The following CYP1B1 variants were observed in gnomAD, a reference collection of about 807,000 sequenced individuals.
CYP1B1 encodes the protein cytochrome P450 1B1.
A neutral mutation model predicts 29.9 loss-of-function variants in CYP1B1; 22 were observed. The observed-to-expected ratio is 0.74, with a 90% CI of 0.53 to 1.05. The LOEUF (loss-of-function observed/expected upper bound fraction) is 1.05, where lower values mean the gene tolerates loss of function less well. Among genes scored for constraint, CYP1B1 ranks in the 50% least tolerant of loss-of-function variants. The pLI is 0.00. For synonymous variants in CYP1B1, 375 were observed against 320.0 expected (o/e 1.17, Z -1.83); for missense variants, 883 against 746.9 (o/e 1.18, Z -2.12).
rs1181867743 is a variant in CYP1B1, at chr2:38,074,962, C to A, written c.427G>T (p.Val143Leu). ...AFGHYSEHWK[V>L]QRRAAHSMMR... ...ATGCTGTGGGCTGCGCGCCGCTGCA[C>A]CTTCCAGTGCTCCGAGTAGTGGCCG... is the stretch of plus-strand genomic sequence containing the variant. Residue 143 changes from valine to leucine, a missense_variant, in exon 2 of 3, where the codon GTG becomes TTG. Val to Leu is a conservative substitution (Grantham distance 32). Coordinates refer to ENST00000610745, the MANE Select transcript of CYP1B1 (RefSeq NM_000104.4). 5 of 1,578,082 alleles carry A rather than the reference C, an allele frequency of 3.2e-6. No homozygotes were observed. The highest frequency in any genetic ancestry group is 4.3e-6 in the Non-Finnish European group (5 of 1,170,056).
At chr2:38,074,060 G>A (rs765314466) in intron 2 of CYP1B1, 1 of 543,220 alleles carries the variant, frequency 1.8e-6, no homozygotes, top group Non-Finnish European at 3.3e-6. Context: ...GTTTTTCCGG[G>A]GGGTGGAGGG....
rs1291501135 is a variant in CYP1B1 at position 38,074,743 on chromosome 2, G to T, written c.646C>A (p.His216Asn). ...AGCTCACGGAACTCGGGGTCGTCGT[G>T]GCTGTAGCGGCAGCCGAAACACACG... ...SAVCFGCRYSHDDPEFRELLS... is the reference protein window; with the variant it reads ...SAVCFGCRYSNDDPEFRELLS... Residue 216 changes from histidine to asparagine, a missense_variant, in exon 2 of 3, where the codon CAC becomes AAC. Physicochemically the swap from His to Asn is moderately conservative, Grantham distance 68 (BLOSUM62 1). Coordinates refer to ENST00000610745, the MANE Select transcript of CYP1B1 (RefSeq NM_000104.4). The T allele has an allele frequency of 2.5e-6, 4 of 1,604,270 alleles. No individual in the cohort carries two copies. The highest frequency in any genetic ancestry group is 3.4e-6 in the Non-Finnish European group (4 of 1,176,290).
chr2:38,071,874 T>G (rs1374672688), intron 2 of CYP1B1, among the ~76,000 whole-genome samples: 1 of 152,188 alleles, frequency 6.6e-6, no homozygotes, highest in African/African-American at 2.4e-5. Context: ...AGTTACAATG[T>G]GAAAGTAAAT....
At position 38,070,857 on chromosome 2, in the gene CYP1B1, C is replaced by T. The variant is rs1682414113; in HGVS notation, c.1497G>A (p.Glu499=). The T allele has an allele frequency of 5.6e-6, 9 of 1,614,146 alleles. 1 individual carries two copies. The African/African-American group carries it at 6.7e-5, about 12-fold the overall frequency. Residue 499 remains glutamate, a synonymous_variant, in exon 3 of 3, where the codon GAG becomes GAA. Transcript: ENST00000610745. ...HQCDFRANPN[E]PAKMNFSYGL... is the part of the protein sequence containing the mutation. ...CATAACTGAAATTCATTTTCGCAGGCTCATTTGGGTTGGCCCTGAAATCGC... is the reference window on the plus strand; with the variant it reads ...CATAACTGAAATTCATTTTCGCAGGTTCATTTGGGTTGGCCCTGAAATCGC...
rs1369973889 is a variant in CYP1B1 at position 38,074,329 on chromosome 2, C to T, written c.1043+17G>A. The T allele has an allele frequency of 6.2e-7, 1 of 1,612,238 alleles. No homozygotes were observed. The highest frequency in any genetic ancestry group is 8.5e-7 in the Non-Finnish European group (1 of 1,179,700). ...CAGAGGAGAAAAGACCTGGCCCACGCCTCCCAGAGGCTTTACCTGGTGAAG... is the reference window on the plus strand; with the variant it reads ...CAGAGGAGAAAAGACCTGGCCCACGTCTCCCAGAGGCTTTACCTGGTGAAG... On this transcript the variant is annotated intron_variant, in intron 2 of 2. Coordinates refer to ENST00000610745, the MANE Select transcript of CYP1B1 (RefSeq NM_000104.4).
At position 38,075,092 on chromosome 2, in the gene CYP1B1, G is replaced by A. The variant is rs754605912; in HGVS notation, c.297C>T (p.Gly99=). ...CCAGGGCCTGGTGGATGGCGCGCTC[G>A]CCATTCAGCACCACTATGGGGCAGC... The part of the protein sequence containing the change: ...LGSCPIVVLN[G]ERAIHQALVQ... The change falls in exon 2 of 3, where the codon GGC becomes GGT. Residue 99 remains glycine (G), a synonymous_variant. Coordinates refer to ENST00000610745, the MANE Select transcript of CYP1B1 (RefSeq NM_000104.4). 1.9e-6 allele frequency: 3 copies of A among 1,580,466 alleles called. No individual in the cohort carries two copies. Among genetic ancestry groups the A allele is most frequent in the African/African-American group, 2.7e-5 (2 of 74,678 alleles).
In CYP1B1 at chr2:38,071,242, C is replaced by A; in HGVS notation, c.1112G>T (p.Cys371Phe). 6.2e-7 allele frequency: 1 copy of A among 1,613,146 alleles called. No homozygotes were observed. ...DQVVGRDRLP[C>F]MGDQPNLPYV... is the part of the protein sequence containing the mutation. ...GGGCAGGTTGGGCTGGTCACCCATA[C>A]AAGGCAGACGGTCCCTCCCCACGAC... The change falls in exon 3 of 3, where the codon TGT (cysteine) becomes TTT (phenylalanine). Residue 371 changes from cysteine (C) to phenylalanine (F), a missense_variant. Physicochemically the swap from Cys to Phe is radical, Grantham distance 205. Transcript: ENST00000610745.
rs1682359993 is a variant in CYP1B1, at chr2:38,068,543, T to C, written c.*2179A>G. The C allele has an allele frequency of 4.4e-6, 1 of 226,680 alleles. No homozygotes were observed. The highest frequency in any genetic ancestry group is 2.2e-5 in the African/African-American group (1 of 44,934). 14.0% of individuals were successfully genotyped at this position (226,680 alleles called of 1,614,324 possible). ...CAGCCCAAATTCACTGTCTCAGCCT[T>C]GGTGGGGCATAATATTTTGGAATGG... is the stretch of plus-strand genomic sequence containing the variant. On this transcript the variant is annotated 3_prime_UTR_variant, in exon 3 of 3. Transcript: ENST00000610745.
In CYP1B1 at chr2:38,070,964, A is replaced by T; in HGVS notation, c.1390T>A (p.Ser464Thr). 1 of 1,614,094 alleles carries T rather than the reference A, an allele frequency of 6.2e-7. No homozygotes were observed. Among genetic ancestry groups the T allele is most frequent in the Non-Finnish European group, 8.5e-7 (1 of 1,179,944 alleles). Reference protein sequence around the residue: ...KDLTSRVMIFSVGKRRCIGEE... With the variant: ...KDLTSRVMIFTVGKRRCIGEE... ...CCAATGCACCGCCTTTTGCCCACTG[A>T]AAAAATCATCACTCTGCTGGTCAGG... Residue 464 changes from serine (S) to threonine (T), a missense_variant, in exon 3 of 3, where the codon TCA becomes ACA. Transcript: ENST00000610745.
At chr2:38,071,393 A>G in intron 2 of CYP1B1, 83 bp from the exon 3 acceptor site, 1 of 1,318,198 alleles carries the variant, frequency 7.6e-7, no homozygotes, top group Non-Finnish European at 1.1e-6. Context: ...AATTTATTTT[A>G]ATTCCACTTT....
In CYP1B1 at chr2:38,074,932, G is replaced by T. The variant is rs368041729; in HGVS notation, c.457C>A (p.Arg153Ser). ...VQRRAAHSMM[R>S]NFFTRQPRSR... ...CGCGGCTGGCGCGTGAAGAAGTTGC[G>T]CATCATGCTGTGGGCTGCGCGCCGC... Residue 153 changes from arginine (R) to serine (S), a missense_variant, in exon 2 of 3, where the codon CGC becomes AGC. Arg to Ser is a moderately radical substitution (Grantham distance 110). Coordinates refer to ENST00000610745, the MANE Select transcript of CYP1B1 (RefSeq NM_000104.4). 5 of 1,563,472 alleles carry T rather than the reference G, an allele frequency of 3.2e-6. No homozygotes were observed. The highest frequency in any genetic ancestry group is 2.4e-5 in the East Asian group (1 of 42,458).
Position 38,074,915 on chromosome 2 carries a change from G to GA in CYP1B1, c.473_474insT (p.Gln159ProfsTer65). 1.3e-6 allele frequency: 2 copies of GA among 1,556,626 alleles called. No individual in the cohort carries two copies. The highest frequency in any genetic ancestry group is 1.7e-6 in the Non-Finnish European group (2 of 1,156,366). On this transcript the variant is annotated frameshift_variant, in exon 2 of 3. Coordinates refer to ENST00000610745, the MANE Select transcript of CYP1B1 (RefSeq NM_000104.4). LOFTEE classifies it high-confidence loss of function. ...CGAGGACTTGGCGGCTGCGCGGCTG[G>GA]CGCGTGAAGAAGTTGCGCATCATGC...
rs1682381701 is a variant in CYP1B1 at position 38,069,382 on chromosome 2, A to G, written c.*1340T>C. The G allele has an allele frequency of 4.6e-6, 1 of 216,250 alleles. No homozygotes were observed. The highest frequency in any genetic ancestry group is 9.3e-6 in the Non-Finnish European group (1 of 107,470). The allele number at this position is 216,250 out of a possible 1,614,324, so 13.4% of individuals were successfully genotyped here. ...TGGCATTTTCCATTATTCATTGGGC[A>G]GACACAGCTTAGATTTCTCTGCCTT... On this transcript the variant is annotated 3_prime_UTR_variant, in exon 3 of 3. Coordinates refer to ENST00000610745, the MANE Select transcript of CYP1B1 (RefSeq NM_000104.4).
At chr2:38,071,374 G>A in intron 2 of CYP1B1, 64 bp from the exon 3 acceptor site, 1 of 1,414,508 alleles carries the variant, frequency 7.1e-7, no homozygotes, top group South Asian at 1.2e-5. Flanking sequence ...CATCTAGAAA[G>A]CACATTATAA....
chr2:38,075,409 G>A lies in CYP1B1; in HGVS notation c.-1-20C>T. The A allele has an allele frequency of 6.2e-7, 1 of 1,609,058 alleles. No individual in the cohort carries two copies. Among genetic ancestry groups the A allele is most frequent in the Non-Finnish European group, 8.5e-7 (1 of 1,179,446 alleles). ...CCCATGCTGGGGACAGAGAGGAGAA[G>A]GCGTGACACTCAGGGGTGCAGAGAC... On this transcript the variant is annotated intron_variant, in intron 1 of 2. Coordinates refer to ENST00000610745, the MANE Select transcript of CYP1B1 (RefSeq NM_000104.4).
Position 38,074,379 on chromosome 2 carries a change from G to T in CYP1B1, c.1010C>A (p.Thr337Asn), listed in dbSNP as rs1432705914. The T allele has an allele frequency of 6.2e-7, 1 of 1,613,518 alleles. No individual in the cohort carries two copies. Among genetic ancestry groups the T allele is most frequent in the African/African-American group, 1.3e-5 (1 of 74,954 alleles). Residue 337 changes from threonine to asparagine, a missense_variant, in exon 2 of 3, where the codon ACC (threonine) becomes AAC (asparagine). By Grantham distance (65) the Thr-to-Asn change is moderately conservative. Coordinates refer to ENST00000610745, the MANE Select transcript of CYP1B1 (RefSeq NM_000104.4). The part of the protein sequence containing the change: ...IFGASQDTLS[T>N]ALQWLLLLFT... ...GAGGAGGAGCAGCCACTGCAGCGCG[G>T]TGGACAGGGTGTCCTGGCTGGCGCC...
chr2:38,073,533 T>C (rs969467965), intron 2 of CYP1B1: 4 of 152,244 alleles, frequency 2.6e-5, no homozygotes, highest in Non-Finnish European at 5.9e-5. Context: ...TTGCCAAATC[T>C]GGCAACCCGA....
chr2:38,073,437 AC>A (rs1682466489), intron 2 of CYP1B1: 1 of 152,232 alleles, frequency 6.6e-6, no homozygotes, highest in African/African-American at 2.4e-5. Flanking sequence ...AGTAAATACT[AC>A]AGGCCGCCCA....
chr2:38,071,409 A>C, intron 2 of CYP1B1, 99 bp from the exon 3 acceptor site: 1 of 1,119,410 alleles, frequency 8.9e-7, no homozygotes, highest in Non-Finnish European at 1.3e-6. Flanking sequence ...ACTTTTTCTT[A>C]AATAGGCTAT....
Sources: allele counts gnomAD v4.1 joint callset (sites outside exome capture counted in the v4.1 genomes callset), GRCh38; gene constraint gnomAD v4.1.1; transcripts MANE v1.5; gene names NCBI Gene and HGNC (gene_info 2026-07-23, HGNC 2026-07-21).